The following TMEM163 variants were observed in gnomAD, a reference collection of about 807,000 sequenced individuals.
The protein encoded by TMEM163 is transmembrane protein 163.
Under a neutral mutation model 29.3 loss-of-function variants are expected in TMEM163, and 17 were observed. That is an observed-to-expected ratio of 0.58 (90% CI 0.40 to 0.87). The LOEUF is 0.87. Among genes scored for constraint, TMEM163 ranks in the 40% least tolerant of loss-of-function variants. TMEM163 has a pLI of 0.00. For missense variants in TMEM163, 303 were observed against 381.5 expected (o/e 0.79, Z 1.71); for synonymous variants, 157 against 160.6 (o/e 0.98, Z 0.17).
intron 4 of TMEM163, among the ~76,000 whole-genome samples, chr2:134,505,938 G>A (rs1173033427): frequency 3.3e-5 from 5 of 152,004 alleles, no homozygotes; most frequent in African/African-American, 7.3e-5. Context: ...AGAGTGGATC[G>A]AACATCAATG....
At chr2:134,516,711 A>ATG (rs142248008) in intron 4 of TMEM163, among the ~76,000 whole-genome samples, 24,431 of 118,516 alleles carry the variant, frequency 0.21, 2,399 homozygotes, top group South Asian at 0.46. Context: ...ATTCATATAT[A>ATG]CATATATATT....
At chr2:134,649,904 G>A (rs940928102) in intron 2 of TMEM163, among the ~76,000 whole-genome samples, 12 of 151,262 alleles carry the variant, frequency 7.9e-5, no homozygotes, top group Non-Finnish European at 1.5e-4. Context: ...TACTTGGGTG[G>A]CTGAAGTGGG....
chr2:134,479,975 C>T (rs1308114910), intron 5 of TMEM163, among the ~76,000 whole-genome samples: 2 of 152,358 alleles, frequency 1.3e-5, no homozygotes, highest in South Asian at 2.1e-4. Flanking sequence ...GGTTATCATA[C>T]ACTAGCTCAG....
At chr2:134,516,729 A>ATATGAATAGATATATATG (rs1680073970) in intron 4 of TMEM163, among the ~76,000 whole-genome samples, 3 of 120,052 alleles carry the variant, frequency 2.5e-5, no homozygotes, top group African/African-American at 9.9e-5. Context: ...ATTCATATAT[A>ATATGAATAGATATATATG]TGCATATATA....
At chr2:134,527,120 CT>C (rs1354329853) in intron 4 of TMEM163, among the ~76,000 whole-genome samples, 1 of 152,124 alleles carries the variant, frequency 6.6e-6, no homozygotes, top group Non-Finnish European at 1.5e-5. Flanking sequence ...TGATAACAGA[CT>C]ATTTGTCAGT....
intron 4 of TMEM163, among the ~76,000 whole-genome samples, chr2:134,533,183 TAA>T (rs934357209): frequency 6.6e-6 from 1 of 152,188 alleles, no homozygotes; most frequent in Non-Finnish European, 1.5e-5. Flanking sequence ...AATAGACTGT[TAA>T]ATAAATTATG....
intron 2 of TMEM163, among the ~76,000 whole-genome samples, chr2:134,577,684 G>A (rs1681590400): frequency 6.6e-6 from 1 of 152,070 alleles, no homozygotes; most frequent in Non-Finnish European, 1.5e-5. Context: ...TATCTCAGCT[G>A]GGAGGCATTT....
chr2:134,705,717 G>C (rs1388328283), intron 2 of TMEM163, among the ~76,000 whole-genome samples: 3 of 152,192 alleles, frequency 2.0e-5, no homozygotes, highest in Non-Finnish European at 4.4e-5. Context: ...ACCTGACAGA[G>C]GCAATTCCTA....
chr2:134,694,062 A>G (rs965413500), intron 2 of TMEM163, among the ~76,000 whole-genome samples: 5 of 152,160 alleles, frequency 3.3e-5, no homozygotes. Context: ...GAGTCTTAAA[A>G]TCCCCATCTA....
chr2:134,467,448 C>A (rs1242862621), intron 5 of TMEM163: 2 of 152,184 alleles, frequency 1.3e-5, no homozygotes, highest in African/African-American at 4.8e-5. Flanking sequence ...AACATGTGGC[C>A]CCTGATACGA....
intron 5 of TMEM163, among the ~76,000 whole-genome samples, chr2:134,485,496 A>T (rs1679287096): frequency 6.6e-6 from 1 of 152,178 alleles, no homozygotes; most frequent in Non-Finnish European, 1.5e-5. Context: ...TGCGTAAGTG[A>T]GTCTGAAGTC....
At chr2:134,536,300 G>A (rs1232476437) in intron 4 of TMEM163, among the ~76,000 whole-genome samples, 1 of 152,120 alleles carries the variant, frequency 6.6e-6, no homozygotes, top group East Asian at 1.9e-4. Context: ...AGGAGACTCT[G>A]CCCAAAAACC....
intron 2 of TMEM163, among the ~76,000 whole-genome samples, chr2:134,701,697 G>A (rs564490456): frequency 1.6e-4 from 24 of 151,978 alleles, no homozygotes; most frequent in African/African-American, 5.8e-4. Context: ...ATTACTTGAG[G>A]TCAGGAGTTC....
chr2:134,697,290 T>A (rs961860874), intron 2 of TMEM163, among the ~76,000 whole-genome samples: 1 of 152,152 alleles, frequency 6.6e-6, no homozygotes, highest in African/African-American at 2.4e-5. Context: ...GACGTCCTTA[T>A]CTTCATTTTA....
intron 5 of TMEM163, among the ~76,000 whole-genome samples, chr2:134,485,488 C>T (rs1468944428): frequency 2.0e-5 from 3 of 152,110 alleles, no homozygotes; most frequent in Non-Finnish European, 4.4e-5. Flanking sequence ...ACAGGAACTG[C>T]GTAAGTGAGT....
At chr2:134,643,559 T>C (rs1683266649) in intron 2 of TMEM163, among the ~76,000 whole-genome samples, 5 of 152,052 alleles carry the variant, frequency 3.3e-5, no homozygotes, top group Admixed American at 2.0e-4. Context: ...ATATTCTTCA[T>C]GAATATGATG....
intron 5 of TMEM163, among the ~76,000 whole-genome samples, chr2:134,471,689 A>C (rs1686805474): frequency 6.6e-6 from 1 of 152,208 alleles, no homozygotes; most frequent in Admixed American, 6.5e-5. Context: ...ATGAGAAACC[A>C]TAACACGTGT....
intron 2 of TMEM163, among the ~76,000 whole-genome samples, chr2:134,618,590 T>C (rs58184566): frequency 0.096 from 14,550 of 152,208 alleles, 803 homozygotes; most frequent in South Asian, 0.17. Flanking sequence ...GCAAGATTAT[T>C]TTCAGATGCA....
At chr2:134,703,781 G>C (rs953924084) in intron 2 of TMEM163, among the ~76,000 whole-genome samples, 3 of 150,514 alleles carry the variant, frequency 2.0e-5, no homozygotes, top group African/African-American at 7.4e-5. Flanking sequence ...AAATAAGAGA[G>C]AGGGATGGAG....
Sources: allele counts gnomAD v4.1 joint callset (sites outside exome capture counted in the v4.1 genomes callset), GRCh38; gene constraint gnomAD v4.1.1; transcripts MANE v1.5; gene names NCBI Gene and HGNC (gene_info 2026-07-23, HGNC 2026-07-21).